The following AGT variants were observed in gnomAD, a reference collection of about 807,000 sequenced individuals.
AGT encodes the protein angiotensinogen.
AGT carries 26 observed loss-of-function variants against 28.1 expected under a neutral mutation model. The observed-to-expected ratio is 0.92, with a 90% CI of 0.68 to 1.28. The LOEUF is 1.28. Among genes scored for constraint, AGT ranks in the 50% most tolerant of loss-of-function variants. The pLI is 0.00. For missense variants in AGT, 596 were observed against 592.3 expected (o/e 1.01, Z -0.06); for synonymous variants, 259 against 259.6 (o/e 1.00, Z 0.02).
At chr1:230,735,249 C>A (rs61826455) in intron 1 of AGT, among the ~76,000 whole-genome samples, 2,704 of 152,252 alleles carry the variant, frequency 0.018, 45 homozygotes, top group Non-Finnish European at 0.028. Flanking sequence ...CTCGCCCCGA[C>A]TGCAGCGGGA....
chr1:230,724,344 T>C (rs949948796), intron 1 of AGT, among the ~76,000 whole-genome samples: 1 of 152,226 alleles, frequency 6.6e-6, no homozygotes, highest in Non-Finnish European at 1.5e-5. Context: ...TTTAGAAACA[T>C]CTACTGTATT....
intron 1 of AGT, among the ~76,000 whole-genome samples, chr1:230,732,279 G>A (rs946506641): frequency 6.6e-6 from 1 of 151,962 alleles, no homozygotes; most frequent in Non-Finnish European, 1.5e-5. Context: ...GGAATGATAC[G>A]CATGAGCCAC....
intron 1 of AGT, among the ~76,000 whole-genome samples, chr1:230,744,538 T>C (rs968145304): frequency 3.3e-5 from 5 of 152,252 alleles, no homozygotes; most frequent in African/African-American, 1.2e-4. Context: ...CCCAGAGTGT[T>C]AGGGGGCAGG....
At chr1:230,715,695 G>C (rs1234312650), upstream of AGT, among the ~76,000 whole-genome samples, 1 of 152,216 alleles carries the variant, frequency 6.6e-6, no homozygotes, top group Non-Finnish European at 1.5e-5. Context: ...CTGGACACAA[G>C]GGGGAGGTAA....
intron 1 of AGT, among the ~76,000 whole-genome samples, chr1:230,734,435 G>A (rs1221569806): frequency 6.6e-6 from 1 of 152,090 alleles, no homozygotes; most frequent in Admixed American, 6.5e-5. Flanking sequence ...AATTTCAGTT[G>A]GGGAAGATAA....
chr1:230,704,002 G>A (rs1166579607), intron 4 of AGT, among the ~76,000 whole-genome samples, 191 bp downstream of exon 4: 2 of 152,166 alleles, frequency 1.3e-5, no homozygotes, highest in East Asian at 1.9e-4. Context: ...GGATGGGGAG[G>A]GATTTGCTGC....
chr1:230,739,426 G>A (rs1664206445), intron 1 of AGT, among the ~76,000 whole-genome samples: 1 of 152,080 alleles, frequency 6.6e-6, no homozygotes, highest in Non-Finnish European at 1.5e-5. Context: ...TGTCCACCAG[G>A]GTGTTGCCCT....
intron 1 of AGT, among the ~76,000 whole-genome samples, chr1:230,739,140 T>A (rs4303079): frequency 0.074 from 11,257 of 151,702 alleles, 611 homozygotes; most frequent in East Asian, 0.14. Context: ...GGAGAATCAT[T>A]TGAAGCTAGG....
intron 1 of AGT, among the ~76,000 whole-genome samples, chr1:230,723,511 T>A (rs2102799171): frequency 6.6e-6 from 1 of 152,316 alleles, no homozygotes; most frequent in South Asian, 2.1e-4. Context: ...GTTGTTTTGT[T>A]TTTAGGGGAG....
intron 1 of AGT, among the ~76,000 whole-genome samples, chr1:230,720,087 C>T (rs1045907252): frequency 3.9e-5 from 6 of 152,142 alleles, no homozygotes; most frequent in Non-Finnish European, 8.8e-5. Flanking sequence ...AGAAAATCCT[C>T]AGGTTTGCAC....
chr1:230,744,679 A>G (rs888149399), intron 1 of AGT, among the ~76,000 whole-genome samples: 2 of 152,216 alleles, frequency 1.3e-5, no homozygotes, highest in African/African-American at 2.4e-5. Flanking sequence ...AAGACTCTAA[A>G]GAAAAAGGCA....
At chr1:230,730,239 GT>G (rs1256461124) in intron 1 of AGT, among the ~76,000 whole-genome samples, 1 of 151,188 alleles carries the variant, frequency 6.6e-6, no homozygotes, top group Admixed American at 6.6e-5. Context: ...GTTTTGTTTT[GT>G]TTTTTATATT....
chr1:230,710,296 C>A lies in AGT; in HGVS notation c.528G>T (p.Gln176His). Residue 176 changes from glutamine to histidine, a missense_variant, in exon 2 of 5, where the codon CAG becomes CAT. By Grantham distance (24) the Gln-to-His change is conservative (BLOSUM62 0). Coordinates refer to ENST00000366667, the MANE Select transcript of AGT (RefSeq NM_001384479.1). ...LDAHKVLSAL[Q>H]AVQGLLVAQG... Reference sequence around the variant, plus strand: ...GGGCCACTAGCAGGCCCTGTACAGCCTGCAGGGCAGACAGGACCTTGTGCG... The same window carrying A: ...GGGCCACTAGCAGGCCCTGTACAGCATGCAGGGCAGACAGGACCTTGTGCG... 6.2e-7 allele frequency: 1 copy of A among 1,613,988 alleles called. No homozygotes were observed.
Position 230,710,268 on chromosome 1 carries a change from C to T in AGT, c.556G>A (p.Gly186Ser), listed in dbSNP as rs1253843593. 1 of 1,613,854 alleles carries T rather than the reference C, an allele frequency of 6.2e-7. No homozygotes were observed. Among genetic ancestry groups the T allele is most frequent in the Non-Finnish European group, 8.5e-7 (1 of 1,180,012 alleles). The change falls in exon 2 of 5, where the codon GGC becomes AGC. Residue 186 changes from glycine to serine, a missense_variant. Gly to Ser is a moderately conservative substitution (Grantham distance 56, BLOSUM62 0). Coordinates refer to ENST00000366667, the MANE Select transcript of AGT (RefSeq NM_001384479.1). ...QAVQGLLVAQ[G>S]RADSQAQLLL... ...AGCTGGGCCTGGCTATCAGCCCTGC[C>T]CTGGGCCACTAGCAGGCCCTGTACA...
intron 1 of AGT, among the ~76,000 whole-genome samples, chr1:230,720,453 ACACT>A (rs1663820258): frequency 6.6e-6 from 1 of 152,154 alleles, no homozygotes; most frequent in African/African-American, 2.4e-5. Flanking sequence ...AGAAAATGAA[ACACT>A]CACTTTCCTA....
chr1:230,719,383 T>TTTTTTATTATTA, upstream of AGT, among the ~76,000 whole-genome samples: 1 of 147,772 alleles, frequency 6.8e-6, no homozygotes, highest in Non-Finnish European at 1.5e-5. Context: ...CTTTCTATTT[T>TTTTTTATTATTA]TTATTATTAT....
At chr1:230,710,962 A>G (rs1366753822) in intron 1 of AGT, 109 bp from the exon 2 acceptor site, 35 of 1,376,534 alleles carry the variant, frequency 2.5e-5, no homozygotes, top group Non-Finnish European at 3.4e-5. Flanking sequence ...TTTAGCCCAG[A>G]ATAAATCCAT....
chr1:230,741,377 C>G (rs1021518153), intron 1 of AGT, among the ~76,000 whole-genome samples: 2 of 152,200 alleles, frequency 1.3e-5, no homozygotes, highest in Non-Finnish European at 2.9e-5. Context: ...ACCACCAGGT[C>G]GTCCACGAGC....
intron 1 of AGT, among the ~76,000 whole-genome samples, chr1:230,711,284 A>T (rs1663584379): frequency 6.6e-6 from 1 of 152,166 alleles, no homozygotes; most frequent in Non-Finnish European, 1.5e-5. Context: ...GGGGACACAG[A>T]GGGAAGACCA....
Sources: allele counts gnomAD v4.1 joint callset (sites outside exome capture counted in the v4.1 genomes callset), GRCh38; gene constraint gnomAD v4.1.1; transcripts MANE v1.5; gene names NCBI Gene and HGNC (gene_info 2026-07-23, HGNC 2026-07-21).